Variants in DPY19L2 observed in about 807,000 individuals in gnomAD.
DPY19L2 encodes dpy-19 like 2, also known as probable C-mannosyltransferase DPY19L2.
In DPY19L2, 34 loss-of-function variants were observed where a neutral mutation model predicts 97.9. The ratio of observed to expected loss-of-function variants is 0.35; its 90% confidence interval spans 0.26 to 0.46. DPY19L2 has a LOEUF of 0.46. Ranked by LOEUF, DPY19L2 falls within the 20% of genes least tolerant of loss-of-function variation. The pLI is 1.00. For missense variants in DPY19L2, 623 were observed against 911.4 expected (o/e 0.68, Z 4.07); for synonymous variants, 230 against 307.9 (o/e 0.75, Z 2.65).
At chr12:63,580,027 TA>T in intron 19 of DPY19L2, among the ~76,000 whole-genome samples, 1 of 152,238 alleles carries the variant, frequency 6.6e-6, no homozygotes, top group African/African-American at 2.4e-5. Flanking sequence ...GAAAGGTATT[TA>T]AAAATATCTA....
intron 6 of DPY19L2, among the ~76,000 whole-genome samples, chr12:63,628,174 C>G (rs930405481): frequency 1.3e-5 from 2 of 152,136 alleles, no homozygotes; most frequent in Non-Finnish European, 2.9e-5. Flanking sequence ...GCATTTCCAA[C>G]TGAGGTACTG....
chr12:63,569,390 T>C (rs1878375222), intron 20 of DPY19L2, 41 bp from the exon 21 acceptor site: 1 of 1,446,538 alleles, frequency 6.9e-7, no homozygotes, highest in Admixed American at 2.2e-5. Context: ...TTAAAATAAA[T>C]GATAATAGAA....
At chr12:63,561,500 T>C (rs2137233467) in intron 21 of DPY19L2, among the ~76,000 whole-genome samples, 1 of 152,278 alleles carries the variant, frequency 6.6e-6, no homozygotes, top group Middle Eastern at 3.4e-3. Context: ...TTCTAGAATT[T>C]CATATAAATA....
chr12:63,643,722 C>T (rs1376608803), intron 6 of DPY19L2, among the ~76,000 whole-genome samples: 1 of 152,116 alleles, frequency 6.6e-6, no homozygotes, highest in African/African-American at 2.4e-5. Flanking sequence ...ACTGCTACAG[C>T]TCTGGGCATG....
chr12:63,636,257 T>C (rs7315576), intron 6 of DPY19L2, among the ~76,000 whole-genome samples: 42,781 of 151,904 alleles, frequency 0.28, 6,616 homozygotes, highest in African/African-American at 0.43. Flanking sequence ...AGGCCTGCCT[T>C]ACAAGAGCTC....
At chr12:63,578,025 T>G (rs1565707069) in intron 19 of DPY19L2, among the ~76,000 whole-genome samples, 1 of 152,128 alleles carries the variant, frequency 6.6e-6, no homozygotes. Flanking sequence ...CACAATAGTC[T>G]AGATTTGGAA....
rs1436288659 is a variant in DPY19L2 at position 63,583,855 on chromosome 12, A to G, written c.1581-19T>C. 6.2e-7 allele frequency: 1 copy of G among 1,604,462 alleles called. No individual in the cohort carries two copies. Among genetic ancestry groups the G allele is most frequent in the Non-Finnish European group, 8.5e-7 (1 of 1,172,660 alleles). On this transcript the variant is annotated intron_variant, in intron 16 of 21. Transcript: ENST00000324472. ...CTGTTTTCTAGAATAAAACAAAAAT[A>G]TTACCTATTTACTGAAGGTCTTTTA...
At chr12:63,612,042 G>A (rs1342053545) in intron 11 of DPY19L2, among the ~76,000 whole-genome samples, 1 of 152,004 alleles carries the variant, frequency 6.6e-6, no homozygotes, top group Admixed American at 6.6e-5. Context: ...AGCTAGAGAA[G>A]TAACATATTA....
At chr12:63,591,723 G>C (rs1882950947) in intron 16 of DPY19L2, among the ~76,000 whole-genome samples, 1 of 151,340 alleles carries the variant, frequency 6.6e-6, no homozygotes, top group African/African-American at 2.4e-5. Flanking sequence ...CCCTCTGAAA[G>C]TTAAAAAAGA....
At chr12:63,591,987 AAGG>A (rs1883050393) in intron 16 of DPY19L2, among the ~76,000 whole-genome samples, 1 of 49,484 alleles carries the variant, frequency 2.0e-5, no homozygotes, top group African/African-American at 1.1e-4. Context: ...AGGGGAAGGG[AAGG>A]GAAGGGAGGG....
Position 63,560,588 on chromosome 12 carries a change from A to G in DPY19L2, c.2201T>C (p.Val734Ala), listed in dbSNP as rs769570127. 6 of 1,614,074 alleles carry G rather than the reference A, an allele frequency of 3.7e-6. No homozygotes were observed. The South Asian group carries it at 6.6e-5, about 18-fold the overall frequency. Residue 734 changes from valine to alanine, a missense_variant, in exon 22 of 22, where the codon GTC becomes GCC. Around this residue, in one of 6 missense-constraint regions of DPY19L2, gnomAD observed 294 missense variants for 446.2 expected, o/e 0.66. Transcript: ENST00000324472. The part of the protein sequence containing the change: ...SNAANPPLCS[V>A]LLEDARPYFT... ...GTAAGGCCTGGCGTCTTCGAGCAGG[A>G]CGCTACATAAGGGAGGGTTAGCTGC...
At chr12:63,573,287 C>A (rs1471554127) in intron 19 of DPY19L2, among the ~76,000 whole-genome samples, 1 of 151,642 alleles carries the variant, frequency 6.6e-6, no homozygotes. Flanking sequence ...AATTCTGGAG[C>A]TGAAAAATGC....
At chr12:63,598,826 CA>C (rs1230518700) in intron 13 of DPY19L2, among the ~76,000 whole-genome samples, 8 of 151,624 alleles carry the variant, frequency 5.3e-5, no homozygotes, top group Non-Finnish European at 8.8e-5. Flanking sequence ...GTAACTGTCA[CA>C]TAAAGGAAGT....
intron 16 of DPY19L2, among the ~76,000 whole-genome samples, chr12:63,592,229 A>G (rs2137474596): frequency 6.6e-6 from 1 of 151,934 alleles, no homozygotes; most frequent in East Asian, 1.9e-4. Flanking sequence ...TAATTTATAG[A>G]TTCAATGCCA....
intron 16 of DPY19L2, among the ~76,000 whole-genome samples, chr12:63,588,257 T>C (rs978981375): frequency 2.6e-5 from 4 of 152,132 alleles, no homozygotes; most frequent in African/African-American, 9.7e-5. Context: ...GCTGGTGACT[T>C]TCGGTTGAAG....
chr12:63,630,504 CAAG>C (rs565446787), intron 6 of DPY19L2, among the ~76,000 whole-genome samples: 7 of 152,088 alleles, frequency 4.6e-5, no homozygotes, highest in Non-Finnish European at 1.0e-4. Context: ...ATCAATTCAA[CAAG>C]AAGAGCTAAC....
At chr12:63,578,412 T>C (rs1170671765) in intron 19 of DPY19L2, among the ~76,000 whole-genome samples, 3 of 152,130 alleles carry the variant, frequency 2.0e-5, no homozygotes. Context: ...AGGGTGACTA[T>C]AGTCAACAAA....
At chr12:63,589,646 T>G (rs1287827701) in intron 16 of DPY19L2, among the ~76,000 whole-genome samples, 2 of 151,772 alleles carry the variant, frequency 1.3e-5, no homozygotes, top group Non-Finnish European at 2.9e-5. Flanking sequence ...GAAAAAAAAT[T>G]TTCATGTTTT....
chr12:63,621,520 A>G (rs1888688739), intron 8 of DPY19L2, among the ~76,000 whole-genome samples, 183 bp from the exon 9 acceptor site: 1 of 152,196 alleles, frequency 6.6e-6, no homozygotes, highest in African/African-American at 2.4e-5. Context: ...TCCTTGCATG[A>G]AGCAATCAAA....
Sources: gnomAD v4.1 joint callset for allele counts (sites outside exome capture counted in the v4.1 genomes callset) on GRCh38, gnomAD v4.1.1 for gene constraint, gnomAD v4.1.1 regional missense constraint, MANE v1.5 for transcripts, NCBI Gene and HGNC (gene_info 2026-07-23, HGNC 2026-07-21) for gene names.